Variants in MED13 observed in about 807,000 individuals in gnomAD.
The protein encoded by MED13 is mediator of RNA polymerase II transcription subunit 13.
A neutral mutation model predicts 225.2 loss-of-function variants in MED13; 23 were observed. The observed-to-expected ratio is 0.10, with a 90% CI of 0.07 to 0.14. The LOEUF (loss-of-function observed/expected upper bound fraction) is 0.14, where lower values mean the gene tolerates loss of function less well. MED13 is among the 10% of genes least tolerant of loss of function. The pLI is 1.00. For missense variants in MED13, 2,197 were observed against 2,594.5 expected, an observed-to-expected ratio of 0.85 and a Z score of 3.33; for synonymous variants, 942 against 889.2, an observed-to-expected ratio of 1.06 and a Z score of -1.06.
Position 61,944,434 on chromosome 17 carries a change from T to C in MED13, c.*2034A>G, listed in dbSNP as rs556597443. On this transcript the variant is annotated 3_prime_UTR_variant, in exon 30 of 30. Coordinates refer to ENST00000397786, the MANE Select transcript of MED13 (RefSeq NM_005121.3). The stretch of plus-strand genomic sequence containing the variant: ...CATACCAACATAATGTGTGGTGTAT[T>C]AGCATAATTTAAAAACAAATGCAGA... The C allele has an allele frequency of 2.0e-5, 3 of 152,126 alleles. No individual in the cohort carries two copies. Among genetic ancestry groups the C allele is most frequent in the Admixed American group, 1.3e-4 (2 of 15,240 alleles). 9.4% of individuals were successfully genotyped at this position (152,126 alleles called of 1,614,324 possible).
chr17:61,971,248 GT>G (rs2080105568), intron 17 of MED13, among the ~76,000 whole-genome samples: 1 of 150,278 alleles, frequency 6.7e-6, no homozygotes, highest in Admixed American at 6.6e-5. Flanking sequence ...ATCAGTTAAG[GT>G]ACAGAAATAA....
intron 27 of MED13, among the ~76,000 whole-genome samples, chr17:61,952,693 ATTGGATGAT>A (rs1183255360): frequency 6.6e-6 from 1 of 152,180 alleles, no homozygotes; most frequent in East Asian, 1.9e-4. Context: ...AGGAATGGCA[ATTGGATGAT>A]CTCGGCTCAC....
At chr17:62,060,101 G>A (rs551485063) in intron 2 of MED13, among the ~76,000 whole-genome samples, 1 of 152,074 alleles carries the variant, frequency 6.6e-6, no homozygotes, top group African/African-American at 2.4e-5. Flanking sequence ...AGACCAGCCT[G>A]GCGAACACGG....
At chr17:62,026,547 T>C (rs973833657) in intron 8 of MED13, among the ~76,000 whole-genome samples, 6 of 147,036 alleles carry the variant, frequency 4.1e-5, no homozygotes, top group African/African-American at 1.0e-4. Context: ...TAAGAATGCC[T>C]CCTCTCACTC....
chr17:62,018,254 C>T (rs887450144), intron 8 of MED13, among the ~76,000 whole-genome samples: 2 of 151,988 alleles, frequency 1.3e-5, no homozygotes, highest in African/African-American at 4.8e-5. Flanking sequence ...ATTCCACATC[C>T]TCAAATTCAA....
intron 3 of MED13, among the ~76,000 whole-genome samples, chr17:62,043,747 A>C (rs1325483047): frequency 6.6e-6 from 1 of 152,256 alleles, no homozygotes; most frequent in African/African-American, 2.4e-5. Context: ...AAAGCAGTAC[A>C]AAAAGTAAAC....
intron 10 of MED13, among the ~76,000 whole-genome samples, chr17:61,993,196 C>T (rs1158863217): frequency 4.7e-5 from 6 of 127,386 alleles, no homozygotes; most frequent in East Asian, 2.4e-4. Flanking sequence ...TTCTTTCTTT[C>T]TTTCTTTTTT....
intron 12 of MED13, 53 bp downstream of exon 12, chr17:61,986,953 AT>A (rs1291639418): frequency 2.4e-6 from 3 of 1,245,676 alleles, no homozygotes; most frequent in Non-Finnish European, 3.2e-6. Context: ...AAATAAAAAA[AT>A]AATAAAATCA....
intron 2 of MED13, among the ~76,000 whole-genome samples, chr17:62,057,723 A>C (rs1217005595): frequency 6.6e-6 from 1 of 151,940 alleles, no homozygotes; most frequent in African/African-American, 2.4e-5. Context: ...ACTATTCATT[A>C]TGATAAAATT....
intron 8 of MED13, among the ~76,000 whole-genome samples, chr17:62,011,479 C>A (rs1346767349): frequency 6.6e-6 from 1 of 152,090 alleles, no homozygotes; most frequent in African/African-American, 2.4e-5. Context: ...TGTGATCAGA[C>A]AGCCAAAGAT....
At chr17:61,979,102 T>C (rs2080181725) in intron 16 of MED13, among the ~76,000 whole-genome samples, 1 of 152,230 alleles carries the variant, frequency 6.6e-6, no homozygotes. Context: ...TTAGTTGTGC[T>C]TGTTTCAAAA....
intron 3 of MED13, among the ~76,000 whole-genome samples, chr17:62,044,351 A>C (rs912598690): frequency 6.6e-6 from 1 of 152,142 alleles, no homozygotes; most frequent in African/African-American, 2.4e-5. Context: ...GCAATGATGA[A>C]AATGTTCTAC....
intron 9 of MED13, among the ~76,000 whole-genome samples, chr17:62,000,815 T>A (rs1211016180): frequency 6.6e-6 from 1 of 152,166 alleles, no homozygotes; most frequent in Non-Finnish European, 1.5e-5. Context: ...CAGGATGGAG[T>A]GCAGTGGCGT....
At chr17:61,989,977 T>A (rs1389453227) in intron 11 of MED13, among the ~76,000 whole-genome samples, 1 of 152,220 alleles carries the variant, frequency 6.6e-6, no homozygotes, top group African/African-American at 2.4e-5. Flanking sequence ...ACTGTTGAAT[T>A]TTCAAGCTAC....
chr17:61,961,197 C>T (rs1209274912), intron 22 of MED13, 107 bp from the exon 23 acceptor site: 2 of 1,026,168 alleles, frequency 1.9e-6, no homozygotes, highest in Non-Finnish European at 2.8e-6. Context: ...TGGAAAATGA[C>T]AGCTAAGCCA....
intron 2 of MED13, among the ~76,000 whole-genome samples, chr17:62,056,330 T>C (rs996612714): frequency 4.6e-5 from 7 of 152,188 alleles, no homozygotes; most frequent in African/African-American, 1.7e-4. Flanking sequence ...TTTACACTAA[T>C]TGAAACAAGT....
chr17:62,020,328 A>G (rs1474574017), intron 8 of MED13, among the ~76,000 whole-genome samples: 5 of 152,120 alleles, frequency 3.3e-5, no homozygotes, highest in Non-Finnish European at 7.3e-5. Context: ...AATTTTTTAC[A>G]TATGAATACA....
At chr17:62,003,518 T>C (rs1040053029) in intron 9 of MED13, among the ~76,000 whole-genome samples, 15 of 147,480 alleles carry the variant, frequency 1.0e-4, no homozygotes, top group African/African-American at 3.0e-4. Flanking sequence ...GGCAGGAGAA[T>C]TGCTTGAAGC....
chr17:62,009,530 A>C (rs1248942292), intron 9 of MED13, among the ~76,000 whole-genome samples: 1 of 152,232 alleles, frequency 6.6e-6, no homozygotes, highest in Non-Finnish European at 1.5e-5. Context: ...ATGAGATGAC[A>C]TTTTGCATGC....
Sources: gnomAD v4.1 joint callset for allele counts (sites outside exome capture counted in the v4.1 genomes callset) on GRCh38, gnomAD v4.1.1 for gene constraint, MANE v1.5 for transcripts, NCBI Gene and HGNC (gene_info 2026-07-23, HGNC 2026-07-21) for gene names.